The following ASMT variants were observed in gnomAD, a reference collection of about 807,000 sequenced individuals.
ASMT encodes acetylserotonin N-methyltransferase.
In ASMT, 53 loss-of-function variants were observed where a neutral mutation model predicts 41.3. That is an observed-to-expected ratio of 1.28 (90% CI 1.03 to 1.61). The LOEUF (loss-of-function observed/expected upper bound fraction) is 1.61, where lower values mean the gene tolerates loss of function less well. Ranked by LOEUF, ASMT falls within the 40% of genes most tolerant of loss-of-function variation. ASMT has a pLI of 0.00. For synonymous variants in ASMT, 231 were observed against 184.8 expected, an observed-to-expected ratio of 1.25 and a Z score of -2.03; for missense variants, 531 against 441.3, an observed-to-expected ratio of 1.20 and a Z score of -1.82.
chrX:1,615,616 C>T (rs1203712967), intron 1 of ASMT, among the ~76,000 whole-genome samples: 1 of 151,868 alleles, frequency 6.6e-6, no homozygotes, highest in Non-Finnish European at 1.5e-5. Context: ...CAGCCTGACC[C>T]ACACAGAGAA....
intron 2 of ASMT, 110 bp downstream of exon 2, chrX:1,623,423 C>T (rs1401223023): frequency 2.0e-5 from 27 of 1,367,790 alleles, no homozygotes; most frequent in South Asian, 1.5e-4. Flanking sequence ...AGTGAAACCC[C>T]GTCTCTACTA....
In ASMT at chrX:1,627,724, G is replaced by A. The variant is rs1322222198; in HGVS notation, c.396G>A (p.Leu132=). The A allele has an allele frequency of 6.2e-7, 1 of 1,613,834 alleles. No individual in the cohort carries two copies. The highest frequency in any genetic ancestry group is 8.5e-7 in the Non-Finnish European group (1 of 1,179,826). Residue 132 remains leucine (L), a synonymous_variant, in exon 4 of 9, where the codon CTG becomes CTA. Coordinates refer to ENST00000381241, the MANE Select transcript of ASMT (RefSeq NM_001171038.2). ...TTAGAGAAGGAAGGAACCAGTACCTGGAGACGTTTGGCGTTCCCGCTGAAG... is the reference window on the plus strand; with the variant it reads ...TTAGAGAAGGAAGGAACCAGTACCTAGAGACGTTTGGCGTTCCCGCTGAAG... The part of the protein sequence containing the change: ...DAVREGRNQY[L]ETFGVPAEEL...
intron 3 of ASMT, among the ~76,000 whole-genome samples, chrX:1,626,421 G>A (rs1191421911): frequency 8.6e-5 from 13 of 151,820 alleles, no homozygotes; most frequent in African/African-American, 2.4e-4. Flanking sequence ...TAGTAGAGAC[G>A]GGGTTTCACC....
At chrX:1,627,463 A>C (rs1379442666) in intron 3 of ASMT, among the ~76,000 whole-genome samples, 7 of 149,936 alleles carry the variant, frequency 4.7e-5, no homozygotes, top group Non-Finnish European at 7.4e-5. Context: ...TCCACTAAAA[A>C]TACAAAAATT....
intron 5 of ASMT, among the ~76,000 whole-genome samples, chrX:1,631,067 C>T (rs1340796255): frequency 4.8e-4 from 62 of 130,212 alleles, no homozygotes; most frequent in African/African-American, 1.5e-3. Context: ...CCCGCCACCA[C>T]GCCCAGCTAA....
rs769007889 is a variant in ASMT at position 1,627,669 on chromosome X, GAAATGAA to G, written c.375-31_375-25del. 7.3e-6 allele frequency: 9 copies of G among 1,233,374 alleles called. No homozygotes were observed. The African/African-American group carries it at 1.2e-4, about 17-fold the overall frequency. 76.4% of individuals were successfully genotyped at this position (1,233,374 alleles called of 1,614,324 possible). On this transcript the variant is annotated intron_variant, in intron 3 of 8. Transcript: ENST00000381241. Reference sequence around the variant, plus strand: ...GAAATGAAATGAAATGAAATGAAATGAAATGAAAATCAGCCTTCTCTCTCTTTTCTTA... The same window carrying G: ...GAAATGAAATGAAATGAAATGAAATGAATCAGCCTTCTCTCTCTTTTCTTA...
rs756698279 is a variant in ASMT, at chrX:1,623,357, C to T, written c.244+44C>T. 19 of 1,607,058 alleles carry T rather than the reference C, an allele frequency of 1.2e-5. No homozygotes were observed. In the South Asian group the frequency reaches 2.0e-4, roughly 17 times the overall value. On this transcript the variant is annotated intron_variant, in intron 2 of 8. Transcript: ENST00000381241. ...TGAAGGAGGCATTTTACATAGACAC[C>T]CTCTGCAGCCCACGTGTTCTGTAAA...
intron 1 of ASMT, among the ~76,000 whole-genome samples, chrX:1,616,524 G>A (rs1482117928): frequency 1.3e-5 from 2 of 151,208 alleles, no homozygotes; most frequent in Non-Finnish European, 3.0e-5. Flanking sequence ...CGGCGGAAGT[G>A]CTGGCTATAC....
chrX:1,615,700 G>T lies in ASMT; in HGVS notation c.69+432G>T, dbSNP rs760235353. Among the ~76,000 whole-genome samples, 11 of 152,088 alleles carry T rather than the reference G, an allele frequency of 7.2e-5. No individual in the cohort carries two copies. The South Asian group carries it at 2.1e-3, about 29-fold the overall frequency. Reference sequence around the variant, plus strand: ...GCCTATAATCCCAGCTACTTGGGAGGCTGAGGCAGGAGAATCGCTTGAACC... The same window carrying T: ...GCCTATAATCCCAGCTACTTGGGAGTCTGAGGCAGGAGAATCGCTTGAACC... On this transcript the variant is annotated intron_variant, in intron 1 of 8. Coordinates refer to ENST00000381241, the MANE Select transcript of ASMT (RefSeq NM_001171038.2).
intron 4 of ASMT, among the ~76,000 whole-genome samples, chrX:1,629,464 C>T (rs1934687725): frequency 6.6e-6 from 1 of 152,156 alleles, no homozygotes; most frequent in Non-Finnish European, 1.5e-5. Flanking sequence ...GATGTGTGGA[C>T]CTCCCACCCG....
chrX:1,621,364 C>A (rs1934332115), intron 1 of ASMT, among the ~76,000 whole-genome samples: 1 of 151,960 alleles, frequency 6.6e-6, no homozygotes, highest in South Asian at 2.1e-4. Flanking sequence ...GTTGCCCAGG[C>A]TGGAGTGCAG....
intron 1 of ASMT, among the ~76,000 whole-genome samples, chrX:1,616,973 G>A (rs1466383753): frequency 6.6e-6 from 1 of 152,058 alleles, no homozygotes; most frequent in Non-Finnish European, 1.5e-5. Flanking sequence ...CTCCCAAAGT[G>A]CTGGGATTAC....
Position 1,636,377 on chromosome X carries a change from A to C in ASMT, c.788-61A>C, listed in dbSNP as rs780463063. ...CCAGGTGACCTTTTGTGCCCAGAAT[A>C]GGTTTAGTCAAATGGGATTGGATTG... On this transcript the variant is annotated intron_variant, in intron 7 of 8. Transcript: ENST00000381241. The C allele has an allele frequency of 1.9e-6, 3 of 1,613,654 alleles. No individual in the cohort carries two copies. The South Asian group carries it at 3.3e-5, about 18-fold the overall frequency.
Position 1,624,352 on chromosome X carries a change from G to A in ASMT, c.328G>A (p.Gly110Ser), listed in dbSNP as rs762241061. ...TSQCSMLKYMGRTSYRCWGHL... is the reference protein window; with the variant it reads ...TSQCSMLKYMSRTSYRCWGHL... Reference sequence around the variant, plus strand: ...ACAATGCAGCATGCTGAAGTACATGGGCAGGACCAGCTACCGGTGCTGGGG... The same window carrying A: ...ACAATGCAGCATGCTGAAGTACATGAGCAGGACCAGCTACCGGTGCTGGGG... The change falls in exon 3 of 9, where the codon GGC becomes AGC. Residue 110 changes from glycine to serine, a missense_variant. By Grantham distance (56) the Gly-to-Ser change is moderately conservative (BLOSUM62 0). Transcript: ENST00000381241. 5 of 1,613,894 alleles carry A rather than the reference G, an allele frequency of 3.1e-6. 1 individual carries two copies. In the South Asian group the frequency reaches 5.5e-5, roughly 18 times the overall value.
At chrX:1,636,078 C>T (rs758236616) in intron 7 of ASMT, among the ~76,000 whole-genome samples, 17 of 150,888 alleles carry the variant, frequency 1.1e-4, no homozygotes, top group African/African-American at 4.1e-4. Context: ...GCCTCAGCCT[C>T]CCGAGTAGCT....
chrX:1,629,067 C>A (rs1934671758), intron 4 of ASMT, among the ~76,000 whole-genome samples: 1 of 142,974 alleles, frequency 7.0e-6, no homozygotes, highest in East Asian at 2.0e-4. Context: ...CTTCCTTCTT[C>A]CTTCTTTCCT....
At chrX:1,620,364 C>T (rs1428614480) in intron 1 of ASMT, among the ~76,000 whole-genome samples, 3 of 151,216 alleles carry the variant, frequency 2.0e-5, no homozygotes, top group African/African-American at 7.3e-5. Flanking sequence ...GACGGGGTTT[C>T]ACTATGTTGG....
In ASMT at chrX:1,616,502, T is replaced by C. The variant is rs773323873; in HGVS notation, c.69+1234T>C. On this transcript the variant is annotated intron_variant, in intron 1 of 8. Coordinates refer to ENST00000381241, the MANE Select transcript of ASMT (RefSeq NM_001171038.2). Reference sequence around the variant, plus strand: ...GTGTCCCTTTTTGGGGTGATGCAAATGTTCTGGAACCCGGCGGAAGTGCTG... The same window carrying C: ...GTGTCCCTTTTTGGGGTGATGCAAACGTTCTGGAACCCGGCGGAAGTGCTG... Among the ~76,000 whole-genome samples the C allele has an allele frequency of 1.6e-3, 249 of 151,230 alleles. 5 individuals are homozygous for C. Among genetic ancestry groups the C allele is most frequent in the African/African-American group, 5.2e-3 (216 of 41,422 alleles).
chrX:1,636,189 C>A (rs1479288601), intron 7 of ASMT: 1 of 543,728 alleles, frequency 1.8e-6, no homozygotes, highest in Non-Finnish European at 3.4e-6. Context: ...GATCTCCTGA[C>A]CTCGTGATCT....
Sources: allele counts gnomAD v4.1 joint callset (sites outside exome capture counted in the v4.1 genomes callset), GRCh38; gene constraint gnomAD v4.1.1; transcripts MANE v1.5; gene names NCBI Gene and HGNC (gene_info 2026-07-23, HGNC 2026-07-21).